Variants in PSME3 observed in about 807,000 individuals in gnomAD.
PSME3 encodes the protein proteasome activator subunit 3, also known as proteasome activator complex subunit 3.
In PSME3, 7 loss-of-function variants were observed where a neutral mutation model predicts 38.3. That is an observed-to-expected ratio of 0.18 (90% CI 0.10 to 0.34). PSME3 has a LOEUF of 0.34. Among genes scored for constraint, PSME3 ranks in the 10% least tolerant of loss-of-function variants. The probability of loss-of-function intolerance (pLI) is 1.00; values close to 1 mark genes in which losing one functional copy is unlikely to be tolerated. For synonymous variants in PSME3, 108 were observed against 105.7 expected (o/e 1.02, Z -0.13); for missense variants, 192 against 307.6 (o/e 0.62, Z 2.81).
At chr17:42,834,674 T>C in intron 3 of PSME3, 97 bp downstream of exon 3, 1 of 1,599,924 alleles carries the variant, frequency 6.3e-7, no homozygotes. Context: ...CTTTTTATTT[T>C]TTTAAACTGT....
Position 42,835,542 on chromosome 17 carries a change from C to T in PSME3, c.243+666C>T, listed in dbSNP as rs55769315. 9.9e-5 allele frequency among the ~76,000 whole-genome samples: 15 copies of T among 151,906 alleles called. 1 individual carries two copies. The highest frequency in any genetic ancestry group is 2.9e-4 in the African/African-American group (12 of 41,368). On this transcript the variant is annotated intron_variant, in intron 4 of 10. Coordinates refer to ENST00000590720, the MANE Select transcript of PSME3 (RefSeq NM_005789.4). ...AGATCAAGACCATCCTGGCTAACAC[C>T]GTGAAACCCTGTCTCTACTGAAAAT... is the stretch of plus-strand genomic sequence containing the variant.
At chr17:42,839,939 T>C (rs956574112) in intron 10 of PSME3, among the ~76,000 whole-genome samples, 4 of 151,398 alleles carry the variant, frequency 2.6e-5, no homozygotes, top group Non-Finnish European at 4.4e-5. Flanking sequence ...GAGGTTGCGG[T>C]GAGCCAAGAT....
intron 5 of PSME3, 36 bp downstream of exon 5, chr17:42,837,733 A>G: frequency 6.2e-7 from 1 of 1,601,804 alleles, no homozygotes; most frequent in Non-Finnish European, 8.5e-7. Flanking sequence ...CCCTCACCCC[A>G]TCCCTGACTT....
At chr17:42,840,973 A>G (rs1414439363) in intron 10 of PSME3, among the ~76,000 whole-genome samples, 1 of 151,974 alleles carries the variant, frequency 6.6e-6, no homozygotes, top group African/African-American at 2.4e-5. Context: ...CTGTACTAAA[A>G]ATAAAAAAAA....
intron 1 of PSME3, 79 bp from the exon 2 acceptor site, chr17:42,834,265 A>C (rs1377045187): frequency 6.2e-7 from 1 of 1,608,866 alleles, no homozygotes; most frequent in Non-Finnish European, 8.5e-7. Flanking sequence ...AGGTGAGGGA[A>C]AGACAGTTGG....
In PSME3 at chr17:42,837,714, C is replaced by A; in HGVS notation, c.292+17C>A. 6.2e-7 allele frequency: 1 copy of A among 1,610,012 alleles called. No individual in the cohort carries two copies. Among genetic ancestry groups the A allele is most frequent in the Non-Finnish European group, 8.5e-7 (1 of 1,177,180 alleles). ...CCTTCCAAGGTAAGAGGCACCCTTA[C>A]CTCACCTCCCCTCACCCCATCCCTG... is the stretch of plus-strand genomic sequence containing the variant. On this transcript the variant is annotated intron_variant, in intron 5 of 10. Transcript: ENST00000590720.
chr17:42,834,725 T>C (rs754901555), intron 3 of PSME3, 47 bp from the exon 4 acceptor site: 1 of 1,610,534 alleles, frequency 6.2e-7, no homozygotes, highest in East Asian at 2.2e-5. Flanking sequence ...CAAATACTTC[T>C]TTGTTCAGCT....
intron 4 of PSME3, among the ~76,000 whole-genome samples, chr17:42,837,413 G>C (rs1431742801): frequency 6.6e-6 from 1 of 151,372 alleles, no homozygotes; most frequent in Admixed American, 6.6e-5. Flanking sequence ...TCAAACTTCT[G>C]ATCTCAGGTG....
Position 42,833,586 on chromosome 17 carries a change from A to G in PSME3, c.-46A>G, listed in dbSNP as rs762434564. ...CCCTCCGGCCCCCTCCCTGGAGTCC[A>G]CAGCGCCTCCGGTGTCCAGAGGATC... is the stretch of plus-strand genomic sequence containing the variant. On this transcript the variant is annotated 5_prime_UTR_variant, in exon 1 of 11. Transcript: ENST00000590720. The G allele has an allele frequency of 6.2e-7, 1 of 1,613,436 alleles. No individual in the cohort carries two copies. The highest frequency in any genetic ancestry group is 8.5e-7 in the Non-Finnish European group (1 of 1,179,616).
chr17:42,834,111 A>G (rs992100341), intron 1 of PSME3: 9 of 1,455,004 alleles, frequency 6.2e-6, no homozygotes, highest in African/African-American at 4.3e-5. Context: ...CAGACACAGG[A>G]GGAAGGGAGG....
intron 1 of PSME3, 96 bp from the exon 2 acceptor site, chr17:42,834,248 A>G (rs1304720963): frequency 6.3e-7 from 1 of 1,599,766 alleles, no homozygotes; most frequent in East Asian, 2.3e-5. Flanking sequence ...TTCTTATTAC[A>G]GTTACAAGGT....
intron 10 of PSME3, among the ~76,000 whole-genome samples, chr17:42,840,929 C>T (rs980963289): frequency 4.0e-5 from 6 of 151,778 alleles, no homozygotes; most frequent in African/African-American, 9.7e-5. Context: ...GTCAGGAGAT[C>T]GAGACCATCC....
At chr17:42,839,228 T>A in intron 9 of PSME3, 62 bp downstream of exon 9, 1 of 1,564,596 alleles carries the variant, frequency 6.4e-7, no homozygotes, top group Non-Finnish European at 8.8e-7. Flanking sequence ...TGACTGTTAC[T>A]GGGAAGGAGC....
chr17:42,833,808 C>A, intron 1 of PSME3, 135 bp downstream of exon 1: 1 of 1,581,084 alleles, frequency 6.3e-7, no homozygotes, highest in Non-Finnish European at 8.6e-7. Flanking sequence ...GCCCAGCCCC[C>A]AACTCCCGGG....
At position 42,841,699 on chromosome 17, in the gene PSME3, T is replaced by C; in HGVS notation, c.*121T>C. On this transcript the variant is annotated 3_prime_UTR_variant, in exon 11 of 11. Coordinates refer to ENST00000590720, the MANE Select transcript of PSME3 (RefSeq NM_005789.4). Reference sequence around the variant, plus strand: ...AAATAGTAATCACACCTCTCTGTTTTTAGTTAGAGTCTAATGAAACTCTCA... The same window carrying C: ...AAATAGTAATCACACCTCTCTGTTTCTAGTTAGAGTCTAATGAAACTCTCA... 1.6e-6 allele frequency: 1 copy of C among 609,796 alleles called. No homozygotes were observed. The highest frequency in any genetic ancestry group is 2.7e-6 in the Non-Finnish European group (1 of 366,258). The allele number at this position is 609,796 out of a possible 1,614,324, so 37.8% of individuals were successfully genotyped here. A position where few individuals can be genotyped will look rare whatever the true frequency, so the allele number is the denominator to read the frequency against.
rs532895193 is a variant in PSME3 at position 42,838,627 on chromosome 17, A to G, written c.406-104A>G. 2.0e-5 allele frequency: 22 copies of G among 1,123,040 alleles called. No homozygotes were observed. In the African/African-American group the frequency reaches 2.6e-4, roughly 13 times the overall value. 69.6% of individuals were successfully genotyped at this position (1,123,040 alleles called of 1,614,324 possible). A position where few individuals can be genotyped will look rare whatever the true frequency, so the allele number is the denominator to read the frequency against. ...GCCACCATGCCTGGCCAGACTAGGTATTTTGACTTCTGTGTTCCTGGCATC... is the reference window on the plus strand; with the variant it reads ...GCCACCATGCCTGGCCAGACTAGGTGTTTTGACTTCTGTGTTCCTGGCATC... On this transcript the variant is annotated intron_variant, in intron 6 of 10. Transcript: ENST00000590720.
chr17:42,837,656 A>G lies in PSME3; in HGVS notation c.251A>G (p.Tyr84Cys), dbSNP rs756349475. 4.3e-6 allele frequency: 7 copies of G among 1,613,998 alleles called. No individual in the cohort carries two copies. In the South Asian group the frequency reaches 7.7e-5, roughly 18 times the overall value. The change falls in exon 5 of 11, where the codon TAT becomes TGT. Residue 84 changes from tyrosine to cysteine, a missense_variant. Tyr to Cys is a radical substitution (Grantham distance 194, BLOSUM62 -2). This residue lies in a region of PSME3 where 110 missense variants were observed against 139.3 expected (regional missense o/e 0.79). Coordinates refer to ENST00000590720, the MANE Select transcript of PSME3 (RefSeq NM_005789.4). ...GCCTCTTTGTATCCTTAGCCCACTT[A>G]TAAGAAGCGAAGGTTGGATGAGTGT... Reference protein sequence around the residue: ...NSHDGLDGPTYKKRRLDECEE... With the variant: ...NSHDGLDGPTCKKRRLDECEE...
chr17:42,840,909 G>A (rs112753571), intron 10 of PSME3, among the ~76,000 whole-genome samples: 2,908 of 151,916 alleles, frequency 0.019, 85 homozygotes, highest in African/African-American at 0.064. Flanking sequence ...CGAGGCGGGC[G>A]GATCACGAGG....
At chr17:42,839,090 C>G in intron 8 of PSME3, 22 bp from the exon 9 acceptor site, 1 of 1,588,518 alleles carries the variant, frequency 6.3e-7, no homozygotes, top group Non-Finnish European at 8.6e-7. Context: ...CTGCATCTTC[C>G]TCCTCTTCTC....
Sources: gnomAD v4.1 joint callset for allele counts (sites outside exome capture counted in the v4.1 genomes callset) on GRCh38, gnomAD v4.1.1 for gene constraint, gnomAD v4.1.1 regional missense constraint, MANE v1.5 for transcripts, NCBI Gene and HGNC (gene_info 2026-07-23, HGNC 2026-07-21) for gene names.